The following MACROH2A1 variants were observed in gnomAD, a reference collection of about 807,000 sequenced individuals.
The protein encoded by MACROH2A1 is core histone macro-H2A.1.
MACROH2A1 carries 2 observed loss-of-function variants against 31.6 expected under a neutral mutation model. That is an observed-to-expected ratio of 0.06 (90% CI 0.03 to 0.20). The LOEUF is 0.20. Ranked by LOEUF, MACROH2A1 falls within the 10% of genes least tolerant of loss-of-function variation. The pLI is 1.00. For missense variants in MACROH2A1, 230 were observed against 474.0 expected, an observed-to-expected ratio of 0.49 and a Z score of 4.78; for synonymous variants, 169 against 189.6, an observed-to-expected ratio of 0.89 and a Z score of 0.89.
intron 2 of MACROH2A1, among the ~76,000 whole-genome samples, chr5:135,382,087 G>A (rs781344040): frequency 5.3e-5 from 8 of 152,200 alleles, no homozygotes; most frequent in African/African-American, 7.2e-5. Flanking sequence ...ACTTAGTTTT[G>A]GTCACACCTT....
At chr5:135,377,298 G>A (rs1242735845) in intron 2 of MACROH2A1, among the ~76,000 whole-genome samples, 2 of 152,180 alleles carry the variant, frequency 1.3e-5, no homozygotes, top group Admixed American at 6.5e-5. Flanking sequence ...TTGCTGTCAA[G>A]GACTCTCAAT....
chr5:135,345,331 C>T (rs928564991), intron 7 of MACROH2A1: 5 of 152,130 alleles, frequency 3.3e-5, no homozygotes, highest in Non-Finnish European at 5.9e-5. Flanking sequence ...ACCAGAGCCC[C>T]AAGTGAGGAA....
intron 2 of MACROH2A1, among the ~76,000 whole-genome samples, chr5:135,374,281 G>A (rs1243323857): frequency 1.3e-5 from 2 of 152,216 alleles, no homozygotes; most frequent in African/African-American, 4.8e-5. Context: ...AGATGGAACG[G>A]TTCCCATCTG....
chr5:135,357,552 AAAT>A (rs1429011414), intron 5 of MACROH2A1: 6 of 174,166 alleles, frequency 3.4e-5, no homozygotes, highest in Non-Finnish European at 6.8e-5. Flanking sequence ...TAACTCCTTC[AAAT>A]AATACTGACT....
chr5:135,395,886 G>C (rs921761998), intron 1 of MACROH2A1, among the ~76,000 whole-genome samples: 21 of 152,208 alleles, frequency 1.4e-4, no homozygotes, highest in African/African-American at 4.6e-4. Flanking sequence ...AGAAGAGACA[G>C]ACCAACTGAG....
chr5:135,350,794 A>G (rs761535985), intron 6 of MACROH2A1: 4 of 1,426,624 alleles, frequency 2.8e-6, no homozygotes, highest in Non-Finnish European at 4.0e-6. Flanking sequence ...ATGCACACAC[A>G]CACTCGGCAG....
chr5:135,343,336 T>A lies in MACROH2A1; in HGVS notation c.877A>T (p.Thr293Ser). The change falls in exon 8 of 9, where the codon ACA becomes TCA. Residue 293 changes from threonine (T) to serine (S), a missense_variant. Coordinates refer to ENST00000511689, the MANE Select transcript of MACROH2A1 (RefSeq NM_138610.3). Reference protein sequence around the residue: ...ADKCEELLEKTVKNCLALADD... With the variant: ...ADKCEELLEKSVKNCLALADD... ...GCCAGGGCCAAGCAGTTTTTCACTG[T>A]CTTTTCCAGAAGTTCTTCACACTTG... The A allele has an allele frequency of 6.2e-7, 1 of 1,614,230 alleles. No homozygotes were observed. Among genetic ancestry groups the A allele is most frequent in the Non-Finnish European group, 8.5e-7 (1 of 1,180,042 alleles).
At chr5:135,378,482 C>T (rs1043690949) in intron 2 of MACROH2A1, among the ~76,000 whole-genome samples, 1 of 152,220 alleles carries the variant, frequency 6.6e-6, no homozygotes, top group Non-Finnish European at 1.5e-5. Context: ...TGGCAATCAC[C>T]CATGACTGTT....
At chr5:135,392,934 TACTC>T (rs1212033319) in intron 1 of MACROH2A1, among the ~76,000 whole-genome samples, 3 of 152,328 alleles carry the variant, frequency 2.0e-5, no homozygotes, top group Admixed American at 6.5e-5. Flanking sequence ...AAGGGCCTGA[TACTC>T]ACTCACTGGG....
At chr5:135,375,069 G>A (rs986668942) in intron 2 of MACROH2A1, among the ~76,000 whole-genome samples, 2 of 152,220 alleles carry the variant, frequency 1.3e-5, no homozygotes, top group African/African-American at 4.8e-5. Flanking sequence ...TATAAATGGT[G>A]CAAAGGGAAC....
At chr5:135,353,477 CCTAAGGGCTCTGCCA>C in intron 5 of MACROH2A1, 1 of 169,874 alleles carries the variant, frequency 5.9e-6, no homozygotes, top group Non-Finnish European at 1.3e-5. Flanking sequence ...TGGGCAAACC[CCTAAGGGCTCTGCCA>C]TTGTCTTCCA....
At chr5:135,372,538 G>C (rs756037010) in intron 2 of MACROH2A1, among the ~76,000 whole-genome samples, 5 of 152,220 alleles carry the variant, frequency 3.3e-5, no homozygotes, top group Non-Finnish European at 7.3e-5. Flanking sequence ...GCCCACCTTG[G>C]CCAAGCCAAA....
chr5:135,353,150 G>A, intron 5 of MACROH2A1, 105 bp from the exon 6 acceptor site: 1 of 726,016 alleles, frequency 1.4e-6, no homozygotes. Flanking sequence ...AAGTGCACGA[G>A]GCACAAAAGG....
Position 135,369,028 on chromosome 5 carries a change from A to C in MACROH2A1, c.477+378T>G, listed in dbSNP as rs1449960356. 6.6e-6 allele frequency among the ~76,000 whole-genome samples: 1 copy of C among 152,254 alleles called. No homozygotes were observed. Among genetic ancestry groups the C allele is most frequent in the African/African-American group, 2.4e-5 (1 of 41,468 alleles). On this transcript the variant is annotated intron_variant, in intron 4 of 8. Coordinates refer to ENST00000511689, the MANE Select transcript of MACROH2A1 (RefSeq NM_138610.3). The surrounding 1 kb of genome is among the most constrained non-coding windows in gnomAD (Gnocchi z 4.3). The stretch of plus-strand genomic sequence containing the variant: ...TCTGCAACTGAGCATCAGGGCATGC[A>C]GGTAGCTGGCCACAGGACTAGACAG...
Position 135,389,077 on chromosome 5 carries a change from C to T in MACROH2A1, c.17G>A (p.Gly6Glu). The T allele has an allele frequency of 6.2e-7, 1 of 1,613,394 alleles. No individual in the cohort carries two copies. The highest frequency in any genetic ancestry group is 2.2e-5 in the East Asian group (1 of 44,864). The change falls in exon 2 of 9, where the codon GGG (glycine) becomes GAG (glutamate). Residue 6 changes from glycine (G) to glutamate (E), a missense_variant. Gly to Glu is a moderately conservative substitution (Grantham distance 98, BLOSUM62 -2). Transcript: ENST00000511689. MSSRGGKKKSTKTSRS... is the reference protein window; with the variant it reads MSSRGEKKKSTKTSRS... The stretch of plus-strand genomic sequence containing the variant: ...GGACGTCTTGGTGGACTTCTTCTTC[C>T]CACCGCGGCTCGACATGGCGGTGGC...
At chr5:135,346,806 G>A (rs1462203277) in intron 6 of MACROH2A1, 1 of 152,230 alleles carries the variant, frequency 6.6e-6, no homozygotes. Context: ...AGCCAATGGA[G>A]ATTGGGAGCA....
At chr5:135,374,264 C>T (rs1481951926) in intron 2 of MACROH2A1, among the ~76,000 whole-genome samples, 1 of 152,184 alleles carries the variant, frequency 6.6e-6, no homozygotes, top group African/African-American at 2.4e-5. Context: ...ATGCCAGCAA[C>T]TCAACAAGAT....
At chr5:135,347,410 CT>C (rs1353597298) in intron 6 of MACROH2A1, 10 of 152,266 alleles carry the variant, frequency 6.6e-5, no homozygotes, top group African/African-American at 2.4e-4. Context: ...CAGGGGAGCT[CT>C]CAGCTGTGTC....
At chr5:135,373,476 C>T (rs922869950) in intron 2 of MACROH2A1, among the ~76,000 whole-genome samples, 1 of 152,148 alleles carries the variant, frequency 6.6e-6, no homozygotes, top group Non-Finnish European at 1.5e-5. Flanking sequence ...TATGCTCTTA[C>T]TTTGTGACTG....
Sources: allele counts gnomAD v4.1 joint callset (sites outside exome capture counted in the v4.1 genomes callset), GRCh38; gene constraint gnomAD v4.1.1; non-coding constraint Gnocchi (gnomAD v3.1); transcripts MANE v1.5; gene names NCBI Gene and HGNC (gene_info 2026-07-23, HGNC 2026-07-21).